MRRF: variants seen among roughly 807,000 people sequenced by gnomAD.
MRRF encodes the protein mitochondrial ribosome recycling factor.
A neutral mutation model predicts 25.1 loss-of-function variants in MRRF; 18 were observed. That is an observed-to-expected ratio of 0.72 (90% confidence interval 0.50 to 1.06). The LOEUF (loss-of-function observed/expected upper bound fraction) is 1.06, where lower values mean the gene tolerates loss of function less well. Ranked by LOEUF, MRRF falls within the 50% of genes least tolerant of loss-of-function variation. The pLI is 0.00. For missense variants in MRRF, 323 were observed against 319.3 expected (o/e 1.01, Z -0.09); for synonymous variants, 113 against 112.1 (o/e 1.01, Z -0.05).
chr9:122,310,697 A>G (rs1835149075), intron 5 of MRRF, among the ~76,000 whole-genome samples: 1 of 152,202 alleles, frequency 6.6e-6, no homozygotes, highest in Admixed American at 6.5e-5. Context: ...GGTCTGGCCC[A>G]AGAACTGGCA....
In MRRF at chr9:122,293,899, C is replaced by T. The variant is rs145395349; in HGVS notation, c.551+2059C>T. On this transcript the variant is annotated intron_variant, in intron 5 of 6. Transcript: ENST00000344641. ...GTTCAGAGAAATTAAGGGACTTGCC[C>T]GAGATCACATGACCAGTAAATGGCA... Among the ~76,000 whole-genome samples the T allele has an allele frequency of 4.6e-5, 7 of 152,214 alleles. No homozygotes were observed. In the East Asian group the frequency reaches 7.7e-4, roughly 17 times the overall value.
intron 3 of MRRF, among the ~76,000 whole-genome samples, chr9:122,284,003 T>C (rs1833235439): frequency 6.6e-6 from 1 of 151,012 alleles, no homozygotes; most frequent in South Asian, 2.1e-4. Flanking sequence ...GTTGTTGTTG[T>C]TTGTTTAATG....
At chr9:122,320,199 G>A (rs757235192) in intron 6 of MRRF, among the ~76,000 whole-genome samples, 24 of 152,082 alleles carry the variant, frequency 1.6e-4, no homozygotes, top group Non-Finnish European at 1.2e-4. Flanking sequence ...TTGGAAAGAA[G>A]TCAGGAAGTG....
At chr9:122,309,187 GCTAA>G (rs1835057613) in intron 5 of MRRF, among the ~76,000 whole-genome samples, 1 of 152,030 alleles carries the variant, frequency 6.6e-6, no homozygotes, top group Non-Finnish European at 1.5e-5. Flanking sequence ...TGTTTTTTAT[GCTAA>G]CTGTTTTTTA....
chr9:122,279,510 T>A (rs1413420132), intron 2 of MRRF, among the ~76,000 whole-genome samples: 11 of 152,262 alleles, frequency 7.2e-5, no homozygotes, highest in Non-Finnish European at 7.3e-5. Context: ...TAAATATTTG[T>A]TGAATGTTTA....
chr9:122,290,589 A>G (rs1358311091), intron 4 of MRRF, among the ~76,000 whole-genome samples: 1 of 152,202 alleles, frequency 6.6e-6, no homozygotes, highest in Non-Finnish European at 1.5e-5. Context: ...AAATAGGTGT[A>G]TATCAACCGC....
chr9:122,292,316 A>C (rs1201808396), intron 5 of MRRF, among the ~76,000 whole-genome samples: 1 of 152,176 alleles, frequency 6.6e-6, no homozygotes, highest in Non-Finnish European at 1.5e-5. Context: ...GCAAGCAGAA[A>C]GGCCTCCAGT....
chr9:122,270,767 A>G lies in MRRF; in HGVS notation c.-28-97A>G, dbSNP rs573473538. The G allele has an allele frequency of 2.3e-4, 200 of 874,686 alleles. No individual in the cohort carries two copies. In the African/African-American group the frequency reaches 2.7e-3, roughly 12 times the overall value. 54.2% of individuals were successfully genotyped at this position (874,686 alleles called of 1,614,324 possible). A position where few individuals can be genotyped will look rare whatever the true frequency, so the allele number is the denominator to read the frequency against. On this transcript the variant is annotated intron_variant, in intron 1 of 6. Coordinates refer to ENST00000344641, the MANE Select transcript of MRRF (RefSeq NM_138777.5). ...AATTGTCTAGTACTTAGCTCAGTTT[A>G]TAGGAGTTGCTTGATAATTGGTACG...
intron 5 of MRRF, among the ~76,000 whole-genome samples, chr9:122,298,879 A>G (rs1417581067): frequency 6.6e-6 from 1 of 152,170 alleles, no homozygotes; most frequent in East Asian, 1.9e-4. Context: ...AGGTGGGGAT[A>G]GTGGTGGTTC....
chr9:122,280,223 G>T (rs988063264), intron 2 of MRRF, among the ~76,000 whole-genome samples: 2 of 152,216 alleles, frequency 1.3e-5, no homozygotes, highest in African/African-American at 2.4e-5. Flanking sequence ...CTAACCTGGG[G>T]TGTCTGATTA....
intron 2 of MRRF, among the ~76,000 whole-genome samples, chr9:122,271,726 G>A (rs1296334635): frequency 2.8e-4 from 43 of 152,196 alleles, no homozygotes; most frequent in Admixed American, 2.7e-3. Context: ...CCTGATGAAG[G>A]TAGGTTCTAT....
At chr9:122,300,955 A>G (rs573325828) in intron 5 of MRRF, among the ~76,000 whole-genome samples, 214 of 152,320 alleles carry the variant, frequency 1.4e-3, no homozygotes, top group African/African-American at 4.8e-3. Flanking sequence ...GAAAAAGGCA[A>G]GAAGCCTTGG....
In MRRF at chr9:122,320,350, C is replaced by G. The variant is rs145789235; in HGVS notation, c.712-2190C>G. Among the ~76,000 whole-genome samples, 173 of 152,258 alleles carry G rather than the reference C, an allele frequency of 1.1e-3. 1 individual carries two copies. The highest frequency in any genetic ancestry group is 4.0e-3 in the African/African-American group (165 of 41,536). ...TTAACCCACTAATTTCACCCAGAAC[C>G]CATGTTATCAAATTGTTACCCTAAG... On this transcript the variant is annotated intron_variant, in intron 6 of 6. Transcript: ENST00000344641.
chr9:122,314,323 A>G (rs940411086), intron 6 of MRRF, among the ~76,000 whole-genome samples: 17 of 152,182 alleles, frequency 1.1e-4, no homozygotes, highest in African/African-American at 4.1e-4. Context: ...TCATGGTAAC[A>G]GCAGATGCCA....
In MRRF at chr9:122,285,229, G is replaced by A; in HGVS notation, c.401G>A (p.Ser134Asn). The A allele has an allele frequency of 6.2e-7, 1 of 1,614,086 alleles. No individual in the cohort carries two copies. Among genetic ancestry groups the A allele is most frequent in the African/African-American group, 1.3e-5 (1 of 75,036 alleles). Residue 134 changes from serine to asparagine, a missense_variant, in exon 4 of 7, where the codon AGC (serine) becomes AAC (asparagine). By Grantham distance (46) the Ser-to-Asn change is conservative. Coordinates refer to ENST00000344641, the MANE Select transcript of MRRF (RefSeq NM_138777.5). Reference protein sequence around the residue: ...ADGKLALNQISQISMKSPQLI... With the variant: ...ADGKLALNQINQISMKSPQLI... ...GGGAAGCTTGCTTTAAACCAGATTA[G>A]CCAGATCTCCATGAAGTCGCCACAG...
intron 2 of MRRF, among the ~76,000 whole-genome samples, chr9:122,279,063 G>A (rs1045748663): frequency 1.3e-5 from 2 of 152,058 alleles, no homozygotes; most frequent in African/African-American, 2.4e-5. Context: ...AGTAGAGATG[G>A]AGTTTCACCA....
chr9:122,284,080 G>A (rs1169577943), intron 3 of MRRF, among the ~76,000 whole-genome samples: 2 of 151,988 alleles, frequency 1.3e-5, no homozygotes, highest in Admixed American at 6.6e-5. Context: ...TCCAAATCTG[G>A]CTGTGTCAGA....
At position 122,328,388 on chromosome 9, in the gene MRRF, C is replaced by T. The variant is rs1259194090; in HGVS notation, c.*5771C>T. 1 of 152,190 alleles carries T rather than the reference C, an allele frequency of 6.6e-6. No individual in the cohort carries two copies. Among genetic ancestry groups the T allele is most frequent in the African/African-American group, 2.4e-5 (1 of 41,442 alleles). 9.4% of individuals were successfully genotyped at this position (152,190 alleles called of 1,614,324 possible). A position where few individuals can be genotyped will look rare whatever the true frequency, so the allele number is the denominator to read the frequency against. On this transcript the variant is annotated 3_prime_UTR_variant, in exon 7 of 7. Transcript: ENST00000344641. ...GACGCTCTATACCCATTACACAACC[C>T]CAGTTCCCCCTTCTCAGCCCCCAGC...
At chr9:122,298,926 G>C (rs148861721) in intron 5 of MRRF, among the ~76,000 whole-genome samples, 34 of 152,212 alleles carry the variant, frequency 2.2e-4, no homozygotes, top group South Asian at 4.2e-4. Flanking sequence ...TTCAGAGGAA[G>C]GTGATACTTG....
Sources: allele counts gnomAD v4.1 joint callset (sites outside exome capture counted in the v4.1 genomes callset), GRCh38; gene constraint gnomAD v4.1.1; transcripts MANE v1.5; gene names NCBI Gene and HGNC (gene_info 2026-07-23, HGNC 2026-07-21).